Variants in PLXDC2 observed in about 807,000 individuals in gnomAD.
PLXDC2 encodes the protein plexin domain-containing protein 2.
In PLXDC2, 40 loss-of-function variants were observed where a neutral mutation model predicts 68.9. The ratio of observed to expected loss-of-function variants is 0.58; its 90% confidence interval spans 0.45 to 0.76. The LOEUF is 0.76. Among genes scored for constraint, PLXDC2 ranks in the 30% least tolerant of loss-of-function variants. PLXDC2 has a pLI of 0.00. For missense variants in PLXDC2, 644 were observed against 661.9 expected (o/e 0.97, Z 0.30); for synonymous variants, 243 against 234.2 (o/e 1.04, Z -0.34).
intron 1 of PLXDC2, among the ~76,000 whole-genome samples, chr10:19,899,824 G>A (rs552891830): frequency 2.0e-5 from 3 of 152,064 alleles, no homozygotes; most frequent in African/African-American, 7.2e-5. Flanking sequence ...ATATGAAATG[G>A]GTTAATTTGA....
intron 1 of PLXDC2, among the ~76,000 whole-genome samples, chr10:19,988,205 G>A (rs1223898973): frequency 1.3e-5 from 2 of 152,144 alleles, no homozygotes; most frequent in African/African-American, 4.8e-5. Context: ...AAGCCTAACT[G>A]ATAACTAAGG....
At chr10:19,874,905 T>G (rs1837605768) in intron 1 of PLXDC2, among the ~76,000 whole-genome samples, 1 of 152,074 alleles carries the variant, frequency 6.6e-6, no homozygotes, top group African/African-American at 2.4e-5. Context: ...TGGCACCTGT[T>G]CTTCGAGGTT....
chr10:19,917,983 G>A (rs1377493970), intron 1 of PLXDC2, among the ~76,000 whole-genome samples: 6 of 152,120 alleles, frequency 3.9e-5, no homozygotes, highest in Admixed American at 3.9e-4. Flanking sequence ...TTCTCCTCGG[G>A]TTTGAATGAA....
chr10:20,099,052 C>A (rs1833388400), intron 4 of PLXDC2, among the ~76,000 whole-genome samples: 1 of 151,982 alleles, frequency 6.6e-6, no homozygotes, highest in Admixed American at 6.6e-5. Context: ...TAACAACTGT[C>A]ATTTTCAGAC....
chr10:20,084,958 T>C (rs1403914511), intron 4 of PLXDC2, among the ~76,000 whole-genome samples: 1 of 151,976 alleles, frequency 6.6e-6, no homozygotes, highest in Non-Finnish European at 1.5e-5. Context: ...TTTAATATGA[T>C]CTCAGTGGCA....
At chr10:20,151,102 C>T (rs1304808072) in intron 6 of PLXDC2, among the ~76,000 whole-genome samples, 1 of 152,140 alleles carries the variant, frequency 6.6e-6, no homozygotes, top group Non-Finnish European at 1.5e-5. Context: ...TTCTACTTTT[C>T]TAGTCTACCA....
intron 1 of PLXDC2, among the ~76,000 whole-genome samples, chr10:19,962,013 T>A (rs751299973): frequency 2.9e-4 from 44 of 152,230 alleles, no homozygotes; most frequent in Non-Finnish European, 5.9e-5. Flanking sequence ...CTGAATGTAT[T>A]GCCTTTTATC....
chr10:19,851,577 G>A (rs571681177), intron 1 of PLXDC2, among the ~76,000 whole-genome samples: 21 of 152,038 alleles, frequency 1.4e-4, no homozygotes, highest in Non-Finnish European at 2.2e-4. Context: ...ACAGAGTCTC[G>A]CTCTGTTACC....
At chr10:20,124,380 C>T (rs978430532) in intron 4 of PLXDC2, among the ~76,000 whole-genome samples, 5 of 152,042 alleles carry the variant, frequency 3.3e-5, no homozygotes, top group African/African-American at 7.2e-5. Flanking sequence ...AAGAAGAGGC[C>T]GCTCACCCGA....
intron 1 of PLXDC2, among the ~76,000 whole-genome samples, chr10:19,977,592 T>G (rs1316700912): frequency 6.6e-6 from 1 of 152,176 alleles, no homozygotes; most frequent in African/African-American, 2.4e-5. Flanking sequence ...ATCATATGAT[T>G]GGTGGCTTAA....
chr10:20,085,033 C>G (rs1833171856), intron 4 of PLXDC2, among the ~76,000 whole-genome samples: 1 of 151,884 alleles, frequency 6.6e-6, no homozygotes, highest in Non-Finnish European at 1.5e-5. Context: ...AATGGCACAA[C>G]CCTCGGGTCA....
chr10:19,874,732 T>C (rs1204724151), intron 1 of PLXDC2, among the ~76,000 whole-genome samples: 1 of 151,868 alleles, frequency 6.6e-6, no homozygotes, highest in East Asian at 1.9e-4. Flanking sequence ...CTTTAAAGAG[T>C]ATATGTGATG....
intron 1 of PLXDC2, among the ~76,000 whole-genome samples, chr10:19,961,736 C>T (rs1273625681): frequency 3.9e-5 from 6 of 152,196 alleles, no homozygotes; most frequent in Admixed American, 6.5e-5. Flanking sequence ...GAGGAAGCAT[C>T]GCAGTGACCT....
chr10:20,110,134 C>A (rs56819482), intron 4 of PLXDC2, among the ~76,000 whole-genome samples: 1 of 152,184 alleles, frequency 6.6e-6, no homozygotes, highest in African/African-American at 2.4e-5. Flanking sequence ...GGAGACTGCT[C>A]AGGAAGAAGA....
At chr10:20,265,724 T>A (rs546458384) in intron 13 of PLXDC2, among the ~76,000 whole-genome samples, 2 of 152,314 alleles carry the variant, frequency 1.3e-5, no homozygotes, top group East Asian at 3.9e-4. Flanking sequence ...CTACTTACTA[T>A]AATTCATGTT....
At chr10:20,279,091 G>T (rs1836047308) in intron 13 of PLXDC2, among the ~76,000 whole-genome samples, 1 of 152,140 alleles carries the variant, frequency 6.6e-6, no homozygotes, top group Admixed American at 6.5e-5. Flanking sequence ...TCTGATAATA[G>T]ATTCCATTTT....
At chr10:20,276,702 T>G (rs1182018277) in intron 13 of PLXDC2, among the ~76,000 whole-genome samples, 1 of 152,150 alleles carries the variant, frequency 6.6e-6, no homozygotes, top group Non-Finnish European at 1.5e-5. Context: ...CAATTTGAAT[T>G]AGCCATTCTA....
intron 4 of PLXDC2, among the ~76,000 whole-genome samples, chr10:20,114,223 A>C (rs917487789): frequency 6.6e-6 from 1 of 152,080 alleles, no homozygotes; most frequent in Non-Finnish European, 1.5e-5. Context: ...AACATCCCCA[A>C]ACTTTTGCTG....
chr10:20,103,624 GAC>G (rs1440758626), intron 4 of PLXDC2, among the ~76,000 whole-genome samples: 1 of 149,584 alleles, frequency 6.7e-6, no homozygotes, highest in African/African-American at 2.5e-5. Flanking sequence ...AAACTGGGAA[GAC>G]ACATCTTTTC....
Sources: allele counts gnomAD v4.1 joint callset (sites outside exome capture counted in the v4.1 genomes callset), GRCh38; gene constraint gnomAD v4.1.1; transcripts MANE v1.5; gene names NCBI Gene and HGNC (gene_info 2026-07-23, HGNC 2026-07-21).